Variants in KDM2B observed in about 807,000 individuals in gnomAD.
The protein encoded by KDM2B is lysine-specific demethylase 2B.
KDM2B carries 26 observed loss-of-function variants against 150.0 expected under a neutral mutation model. The observed-to-expected ratio is 0.17, with a 90% CI of 0.13 to 0.24. The LOEUF is 0.24. Ranked by LOEUF, KDM2B falls within the 10% of genes least tolerant of loss-of-function variation. The pLI is 1.00. For synonymous variants in KDM2B, 734 were observed against 729.5 expected, an observed-to-expected ratio of 1.01 and a Z score of -0.10; for missense variants, 1,265 against 1,816.9, an observed-to-expected ratio of 0.70 and a Z score of 5.52.
At chr12:121,534,746 A>G in intron 6 of KDM2B, 156 bp from the exon 7 acceptor site, 1 of 599,262 alleles carries the variant, frequency 1.7e-6, no homozygotes, top group South Asian at 2.1e-5. Context: ...ATGTAATCGG[A>G]GTTCCCCACG....
chr12:121,541,003 C>A (rs573436822), intron 6 of KDM2B, among the ~76,000 whole-genome samples: 1 of 151,866 alleles, frequency 6.6e-6, no homozygotes, highest in Non-Finnish European at 1.5e-5. Flanking sequence ...GAGGCCGAGG[C>A]GGGTGGATCA....
intron 13 of KDM2B, among the ~76,000 whole-genome samples, chr12:121,450,012 C>A (rs1876950979): frequency 6.6e-6 from 1 of 152,166 alleles, no homozygotes. Flanking sequence ...AACTCAGCAA[C>A]AAAAACCCCC....
Position 121,430,247 on chromosome 12 carries a change from C to G in KDM2B, c.*41G>C, listed in dbSNP as rs1196416092. ...GCCCTCATTTTTGTAAAGTCTCTCC[C>G]CTCCCAGAGCCCGCCCCGTATTTAC... On this transcript the variant is annotated 3_prime_UTR_variant, in exon 23 of 23. Coordinates refer to ENST00000377071, the MANE Select transcript of KDM2B (RefSeq NM_032590.5). The surrounding 1 kb of genome is among the most constrained non-coding windows in gnomAD (Gnocchi z 4.4). 6.2e-7 allele frequency: 1 copy of G among 1,614,114 alleles called. No individual in the cohort carries two copies. The highest frequency in any genetic ancestry group is 1.7e-5 in the Admixed American group (1 of 60,006).
chr12:121,487,845 G>C (rs994422346), intron 12 of KDM2B, among the ~76,000 whole-genome samples: 1 of 149,330 alleles, frequency 6.7e-6, no homozygotes, highest in Non-Finnish European at 1.5e-5. Flanking sequence ...ACGGTGTCGC[G>C]ATCTCGGCTC....
intron 8 of KDM2B, among the ~76,000 whole-genome samples, chr12:121,522,159 C>T (rs560477338): frequency 9.9e-5 from 15 of 152,006 alleles, no homozygotes; most frequent in African/African-American, 3.4e-4. Context: ...GTGCCAGGCA[C>T]AGTGGTCTAA....
In KDM2B at chr12:121,444,914, G is replaced by A; in HGVS notation, c.2103+361C>T. 1.2e-5 allele frequency: 5 copies of A among 422,126 alleles called. 1 individual carries two copies. The highest frequency in any genetic ancestry group is 7.4e-5 in the Admixed American group (2 of 27,038). The allele number at this position is 422,126 out of a possible 1,614,324, so 26.1% of individuals were successfully genotyped here. On this transcript the variant is annotated intron_variant, in intron 14 of 22. Transcript: ENST00000377071. ...TGCAGAGGACTCTACTGGGTGCTGG[G>A]GGAAGGAGTGTGGTGTGGGGCCTTG...
At chr12:121,497,930 T>C (rs1884148918) in intron 11 of KDM2B, among the ~76,000 whole-genome samples, 2 of 151,896 alleles carry the variant, frequency 1.3e-5, no homozygotes, top group South Asian at 4.2e-4. Flanking sequence ...ACCCCATCAC[T>C]ACTAAAACTA....
chr12:121,514,128 G>A (rs1434175985), intron 9 of KDM2B, among the ~76,000 whole-genome samples: 1 of 152,114 alleles, frequency 6.6e-6, no homozygotes, highest in Non-Finnish European at 1.5e-5. Context: ...TCTGGAGCAG[G>A]AGATCCCTTT....
chr12:121,576,228 T>A (rs1247864540), intron 2 of KDM2B, among the ~76,000 whole-genome samples: 1 of 151,966 alleles, frequency 6.6e-6, no homozygotes, highest in East Asian at 1.9e-4. Flanking sequence ...GAGACACGCA[T>A]CCCAAGCCGC....
intron 4 of KDM2B, among the ~76,000 whole-genome samples, chr12:121,567,078 T>TTTTACCATA (rs1555315119): frequency 6.6e-6 from 1 of 151,840 alleles, no homozygotes; most frequent in African/African-American, 2.4e-5. Context: ...AGAGACGAGG[T>TTTTACCATA]TTTACCATGT....
chr12:121,554,600 G>A (rs1889764858), intron 4 of KDM2B, among the ~76,000 whole-genome samples: 2 of 151,824 alleles, frequency 1.3e-5, no homozygotes, highest in South Asian at 2.1e-4. Flanking sequence ...CAGTAGAGAC[G>A]GGGTTTTACC....
At chr12:121,440,145 CTCTAAA>C in intron 21 of KDM2B, 70 bp from the exon 22 acceptor site, 3 of 1,138,560 alleles carry the variant, frequency 2.6e-6, no homozygotes, top group Non-Finnish European at 3.8e-6. Context: ...TGACATGACA[CTCTAAA>C]AGGCCCACCA....
intron 13 of KDM2B, among the ~76,000 whole-genome samples, chr12:121,446,053 C>G (rs1175468182): frequency 1.3e-5 from 2 of 152,180 alleles, no homozygotes; most frequent in South Asian, 2.1e-4. Context: ...CAAGGCAAGG[C>G]CCCCAGCTCA....
chr12:121,506,912 G>A (rs1426488196), intron 11 of KDM2B, among the ~76,000 whole-genome samples: 1 of 151,744 alleles, frequency 6.6e-6, no homozygotes, highest in African/African-American at 2.4e-5. Flanking sequence ...CTCCAGCCTG[G>A]GCATCAAGAG....
Position 121,444,120 on chromosome 12 carries a change from G to C in KDM2B, c.2343C>G (p.His781Gln), listed in dbSNP as rs199743906. ...EEAPRRRSDE[H>Q]SKKVPPDGLL... ...GGCCGTCCGGCGGCACCTTCTTCGA[G>C]TGCTCATCCGACCTGCGCCGGGGCG... The change falls in exon 16 of 23, where the codon CAC becomes CAG. Residue 781 changes from histidine (H) to glutamine (Q), a missense_variant. Physicochemically the swap from His to Gln is conservative, Grantham distance 24. This residue lies in a region of KDM2B where 418 missense variants were observed against 402.4 expected (regional missense o/e 1.04). Coordinates refer to ENST00000377071, the MANE Select transcript of KDM2B (RefSeq NM_032590.5). 1.2e-6 allele frequency: 2 copies of C among 1,613,428 alleles called. No individual in the cohort carries two copies. Among genetic ancestry groups the C allele is most frequent in the African/African-American group, 2.7e-5 (2 of 75,078 alleles).
the KDM2B span, among the ~76,000 whole-genome samples, chr12:121,421,372 A>AAG: frequency 9.3e-5 from 5 of 53,874 alleles, no homozygotes; most frequent in Admixed American, 9.5e-4. Context: ...TCCCATCTCT[A>AAG]AAAAAAAAAA....
chr12:121,532,393 C>T (rs1190281953), intron 8 of KDM2B, among the ~76,000 whole-genome samples: 1 of 152,174 alleles, frequency 6.6e-6, no homozygotes, highest in African/African-American at 2.4e-5. Context: ...TCCTATTTTA[C>T]AGATGGGAAT....
At chr12:121,573,141 T>TC (rs56828751) in intron 4 of KDM2B, among the ~76,000 whole-genome samples, 2 of 149,150 alleles carry the variant, frequency 1.3e-5, no homozygotes, top group Non-Finnish European at 3.0e-5. Flanking sequence ...TTTTTTTTTT[T>TC]AGAGATGGGG....
At position 121,521,375 on chromosome 12, in the gene KDM2B, T is replaced by C. The variant is rs1416530209; in HGVS notation, c.932-275A>G. Among the ~76,000 whole-genome samples the C allele has an allele frequency of 6.6e-6, 1 of 152,146 alleles. No homozygotes were observed. On this transcript the variant is annotated intron_variant, in intron 8 of 22. Transcript: ENST00000377071. This position sits in a 1 kb window ranked among gnomAD's most constrained non-coding sequence, Gnocchi z 4.9. ...ATCAGCCCCCACTTCTTGAGGACCG[T>C]GATGACAAAAGCTTCCTCTGGGGAC...
Sources: gnomAD v4.1 joint callset for allele counts (sites outside exome capture counted in the v4.1 genomes callset) on GRCh38, gnomAD v4.1.1 for gene constraint, gnomAD v4.1.1 regional missense constraint, Gnocchi (gnomAD v3.1) non-coding constraint, MANE v1.5 for transcripts, NCBI Gene and HGNC (gene_info 2026-07-23, HGNC 2026-07-21) for gene names.